Variants in MUCL1 observed in about 807,000 individuals in gnomAD.
MUCL1 encodes mucin-like protein 1.
A neutral mutation model predicts 9.2 loss-of-function variants in MUCL1; 11 were observed. The ratio of observed to expected loss-of-function variants is 1.19; its 90% CI spans 0.75 to 1.97. MUCL1 has a LOEUF of 1.97. Among genes scored for constraint, MUCL1 ranks in the 30% most tolerant of loss-of-function variants. The probability of loss-of-function intolerance (pLI) is 0.00; values close to 1 mark genes in which losing one functional copy is unlikely to be tolerated. For missense variants in MUCL1, 144 were observed against 110.9 expected, an observed-to-expected ratio of 1.30 and a Z score of -1.34; for synonymous variants, 48 against 40.5, an observed-to-expected ratio of 1.19 and a Z score of -0.71.
intron 1 of MUCL1, among the ~76,000 whole-genome samples, chr12:54,848,941 C>T (rs1959296006): frequency 6.6e-6 from 1 of 152,050 alleles, no homozygotes; most frequent in Non-Finnish European, 1.5e-5. Flanking sequence ...CATAAGGGTA[C>T]ATTAAAAAGT....
upstream of MUCL1, among the ~76,000 whole-genome samples, chr12:54,835,304 T>C (rs1959191116): frequency 6.6e-6 from 1 of 152,172 alleles, no homozygotes; most frequent in Admixed American, 6.5e-5. Context: ...ACAGTAGATC[T>C]ACTTTTTGTT....
At position 54,847,480 on chromosome 12, in the gene MUCL1, C is replaced by T. The variant is rs191790585; in HGVS notation, c.44-7636C>T. On this transcript the variant is annotated intron_variant, in intron 1 of 3. Transcript: ENST00000546809. ...AAGATACAAAATTAGCCTGTCATGG[C>T]GGTGCATGCCTGTAATCCCAGCTAC... is the stretch of plus-strand genomic sequence containing the variant. 2.8e-3 allele frequency among the ~76,000 whole-genome samples: 428 copies of T among 152,174 alleles called. 3 individuals carry two copies. Among genetic ancestry groups the T allele is most frequent in the Non-Finnish European group, 5.1e-3 (345 of 67,992 alleles).
At chr12:54,852,906 A>T (rs1057163107), upstream of MUCL1, among the ~76,000 whole-genome samples, 3 of 151,858 alleles carry the variant, frequency 2.0e-5, no homozygotes, top group African/African-American at 7.3e-5. Flanking sequence ...TCTTAGCGTT[A>T]TTTATGCTAA....
upstream of MUCL1, among the ~76,000 whole-genome samples, chr12:54,837,354 T>C (rs1959194501): frequency 6.6e-6 from 1 of 152,170 alleles, no homozygotes; most frequent in Non-Finnish European, 1.5e-5. Context: ...GGTTTTTATG[T>C]TTTTACTGTT....
At chr12:54,832,887 T>C (rs1403924983) in intron 1 of MUCL1, among the ~76,000 whole-genome samples, 1 of 152,144 alleles carries the variant, frequency 6.6e-6, no homozygotes, top group Non-Finnish European at 1.5e-5. Context: ...AAATTTTGTA[T>C]GTCCTGGTAT....
chr12:54,856,656 T>C (rs1868301640), intron 2 of MUCL1, 114 bp from the exon 3 acceptor site: 5 of 1,384,024 alleles, frequency 3.6e-6, no homozygotes, highest in Non-Finnish European at 4.9e-6. Flanking sequence ...ACAGAACTGA[T>C]GACAGATTTG....
At chr12:54,854,837 A>G (rs1443261506) in intron 1 of MUCL1, among the ~76,000 whole-genome samples, 197 bp downstream of exon 1, 1 of 152,306 alleles carries the variant, frequency 6.6e-6, no homozygotes, top group African/African-American at 2.4e-5. Context: ...TCTTACTTCA[A>G]TAATACCTTG....
chr12:54,847,202 AGTAACC>A (rs1267412411), intron 1 of MUCL1, among the ~76,000 whole-genome samples: 3 of 152,182 alleles, frequency 2.0e-5, no homozygotes, highest in African/African-American at 7.2e-5. Context: ...TGTATCAAGA[AGTAACC>A]GAGTGCCGGG....
At chr12:54,851,238 C>T (rs1460287087), upstream of MUCL1, among the ~76,000 whole-genome samples, 1 of 152,072 alleles carries the variant, frequency 6.6e-6, no homozygotes, top group African/African-American at 2.4e-5. Flanking sequence ...CTTGCCCATG[C>T]CTATGTCCTG....
chr12:54,849,884 A>C (rs1959311156), upstream of MUCL1, among the ~76,000 whole-genome samples: 1 of 152,204 alleles, frequency 6.6e-6, no homozygotes, highest in African/African-American at 2.4e-5. Context: ...AGAAAAATAA[A>C]GCCTCAAAAC....
At chr12:54,857,195 G>A (rs1868307267) in intron 3 of MUCL1, among the ~76,000 whole-genome samples, 1 of 150,842 alleles carries the variant, frequency 6.6e-6, no homozygotes. Flanking sequence ...ATGAAGCTAG[G>A]TAACTGCTTA....
At chr12:54,851,903 C>A (rs928426914), upstream of MUCL1, among the ~76,000 whole-genome samples, 4 of 152,050 alleles carry the variant, frequency 2.6e-5, no homozygotes, top group Non-Finnish European at 4.4e-5. Context: ...ACTCCCATTC[C>A]CAATTGCTTC....
intron 1 of MUCL1, among the ~76,000 whole-genome samples, chr12:54,842,014 C>T (rs1013354556): frequency 1.3e-5 from 2 of 151,990 alleles, no homozygotes; most frequent in African/African-American, 4.8e-5. Flanking sequence ...CTCTATGTGG[C>T]TTTGAATTTT....
At chr12:54,847,599 G>T (rs1959275582) in intron 1 of MUCL1, among the ~76,000 whole-genome samples, 1 of 152,252 alleles carries the variant, frequency 6.6e-6, no homozygotes, top group East Asian at 1.9e-4. Context: ...TGGGCATCAA[G>T]AGTGAAACTC....
upstream of MUCL1, among the ~76,000 whole-genome samples, chr12:54,838,438 G>A (rs569976066): frequency 2.0e-5 from 3 of 152,250 alleles, no homozygotes; most frequent in African/African-American, 7.2e-5. Context: ...AATCCCACAG[G>A]TGTTCTTTGA....
At chr12:54,853,768 AT>A (rs746804095), upstream of MUCL1, among the ~76,000 whole-genome samples, 2 of 152,000 alleles carry the variant, frequency 1.3e-5, no homozygotes, top group African/African-American at 4.8e-5. Flanking sequence ...ATTAAATAAA[AT>A]TTTTGTGTGC....
intron 1 of MUCL1, among the ~76,000 whole-genome samples, chr12:54,848,798 C>G (rs1381649283): frequency 6.6e-6 from 1 of 152,120 alleles, no homozygotes; most frequent in Non-Finnish European, 1.5e-5. Flanking sequence ...TAAAAATATG[C>G]TCTGATATTT....
chr12:54,852,993 T>C (rs374351959), upstream of MUCL1, among the ~76,000 whole-genome samples: 35 of 152,328 alleles, frequency 2.3e-4, no homozygotes, highest in African/African-American at 8.2e-4. Context: ...TGACTTGTCT[T>C]TCCGAGGTTG....
At chr12:54,856,716 A>C (rs1360155059) in intron 2 of MUCL1, 54 bp from the exon 3 acceptor site, 2 of 1,557,380 alleles carry the variant, frequency 1.3e-6, no homozygotes, top group South Asian at 1.2e-5. Flanking sequence ...GGGTGGGATA[A>C]ATTTTGTTCC....
Sources: allele counts gnomAD v4.1 joint callset (sites outside exome capture counted in the v4.1 genomes callset), GRCh38; gene constraint gnomAD v4.1.1; transcripts MANE v1.5; gene names NCBI Gene and HGNC (gene_info 2026-07-23, HGNC 2026-07-21).